The following DOCK2 variants were observed in gnomAD, a reference collection of about 807,000 sequenced individuals.
The protein encoded by DOCK2 is dedicator of cytokinesis protein 2.
DOCK2 carries 87 observed loss-of-function variants against 248.9 expected under a neutral mutation model. That is an observed-to-expected ratio of 0.35 (90% CI 0.29 to 0.42). The LOEUF (loss-of-function observed/expected upper bound fraction) is 0.42. DOCK2 is among the 10% of genes least tolerant of loss of function. The pLI, the probability that DOCK2 is intolerant of heterozygous loss-of-function variation, is 1.00. For synonymous variants in DOCK2, 805 were observed against 821.6 expected, an observed-to-expected ratio of 0.98 and a Z score of 0.35; for missense variants, 1,747 against 2,300.2, an observed-to-expected ratio of 0.76 and a Z score of 4.92.
At chr5:170,022,715 C>A (rs767972176) in intron 33 of DOCK2, among the ~76,000 whole-genome samples, 9 of 151,918 alleles carry the variant, frequency 5.9e-5, no homozygotes, top group Non-Finnish European at 1.2e-4. Flanking sequence ...TTGTCCCACA[C>A]AGCACAATTA....
In DOCK2 at chr5:170,019,673, G is replaced by C. The variant is rs190204517; in HGVS notation, c.3381+565G>C. ...ACACGAGAGCCATTGGCCAAATATT[G>C]TCATTGAATATTTCGTCAAACTTGG... On this transcript the variant is annotated intron_variant, in intron 33 of 51. Coordinates refer to ENST00000520908, the MANE Select transcript of DOCK2 (RefSeq NM_004946.3). Among the ~76,000 whole-genome samples, 694 of 152,240 alleles carry C rather than the reference G, an allele frequency of 4.6e-3. 1 individual carries two copies. Among genetic ancestry groups the C allele is most frequent in the Non-Finnish European group, 6.6e-3 (450 of 68,016 alleles).
At chr5:169,762,932 G>GT (rs1764572174) in intron 25 of DOCK2, among the ~76,000 whole-genome samples, 1 of 152,184 alleles carries the variant, frequency 6.6e-6, no homozygotes, top group African/African-American at 2.4e-5. Context: ...CTGTAAAGAT[G>GT]TTTTTTTCCA....
Position 170,077,609 on chromosome 5 carries a change from C to G in DOCK2, c.4867-101C>G, listed in dbSNP as rs1757879368. 19 of 1,540,688 alleles carry G rather than the reference C, an allele frequency of 1.2e-5. No homozygotes were observed. In the South Asian group the frequency reaches 2.4e-4, roughly 19 times the overall value. ...TTTTGTGCTGATGCTCCACTCAGCC[C>G]CACAACTCTGCCCTGCCTAGGTGGA... On this transcript the variant is annotated intron_variant, in intron 47 of 51. Transcript: ENST00000520908.
intron 44 of DOCK2, among the ~76,000 whole-genome samples, chr5:170,066,164 A>T (rs947891680): frequency 3.3e-5 from 5 of 152,026 alleles, no homozygotes; most frequent in Non-Finnish European, 7.4e-5. Flanking sequence ...GTTAGTCAGG[A>T]TGGTCTCGAT....
chr5:169,857,733 T>TAA (rs745578660), intron 27 of DOCK2, among the ~76,000 whole-genome samples: 3 of 108,380 alleles, frequency 2.8e-5, no homozygotes, highest in Non-Finnish European at 6.0e-5. Flanking sequence ...GGAACAAAAC[T>TAA]AAAAAAAAAA....
intron 6 of DOCK2, 56 bp from the exon 7 acceptor site, chr5:169,681,687 AC>A: frequency 6.3e-7 from 1 of 1,589,390 alleles, no homozygotes; most frequent in Non-Finnish European, 8.6e-7. Flanking sequence ...AAAGCTTCTC[AC>A]CAGTGACCTA....
chr5:169,911,566 A>G (rs1774601489), intron 27 of DOCK2, among the ~76,000 whole-genome samples: 1 of 152,224 alleles, frequency 6.6e-6, no homozygotes, highest in Admixed American at 6.5e-5. Flanking sequence ...AGGAGTAATT[A>G]TACTTTATGA....
intron 15 of DOCK2, among the ~76,000 whole-genome samples, chr5:169,711,080 CAT>C: frequency 1.3e-5 from 2 of 152,358 alleles, no homozygotes; most frequent in East Asian, 3.9e-4. Flanking sequence ...CTGCCTGAAA[CAT>C]AGACAGGATG....
chr5:169,890,831 A>G (rs1773238305), intron 27 of DOCK2, among the ~76,000 whole-genome samples: 1 of 152,146 alleles, frequency 6.6e-6, no homozygotes, highest in South Asian at 2.1e-4. Flanking sequence ...CCAGGTCTCC[A>G]TCATCTCTCA....
chr5:170,080,425 C>T (rs1323322086), intron 50 of DOCK2, 142 bp downstream of exon 50: 11 of 1,299,174 alleles, frequency 8.5e-6, no homozygotes, highest in Non-Finnish European at 1.1e-5. Flanking sequence ...TCATAGCCAC[C>T]CACCCTCTAA....
intron 23 of DOCK2, among the ~76,000 whole-genome samples, chr5:169,755,161 G>A (rs959919478): frequency 6.6e-6 from 1 of 151,756 alleles, no homozygotes; most frequent in Non-Finnish European, 1.5e-5. Flanking sequence ...GCTTAGGCTG[G>A]TCTTGAAACC....
chr5:169,839,508 C>T lies in DOCK2; in HGVS notation c.2704-1249C>T, dbSNP rs527927673. Reference sequence around the variant, plus strand: ...TTCCACTTGGCCATGGCCACCCTCGCGTATGCATGGTGTGCAACTCTGTGC... The same window carrying T: ...TTCCACTTGGCCATGGCCACCCTCGTGTATGCATGGTGTGCAACTCTGTGC... On this transcript the variant is annotated intron_variant, in intron 26 of 51. Coordinates refer to ENST00000520908, the MANE Select transcript of DOCK2 (RefSeq NM_004946.3). Among the ~76,000 whole-genome samples, 8 of 150,698 alleles carry T rather than the reference C, an allele frequency of 5.3e-5. No homozygotes were observed. In the South Asian group the frequency reaches 1.0e-3, roughly 20 times the overall value.
chr5:169,641,846 T>G (rs1382942334), intron 1 of DOCK2, among the ~76,000 whole-genome samples: 2 of 152,244 alleles, frequency 1.3e-5, no homozygotes, highest in Non-Finnish European at 2.9e-5. Flanking sequence ...AAGCATCCAC[T>G]GAATCTTCTC....
At chr5:170,080,982 G>A (rs6885366) in intron 50 of DOCK2, 105,805 of 152,466 alleles carry the variant, frequency 0.69, 37,146 homozygotes, top group African/African-American at 0.8. Flanking sequence ...TGGTGAAGAC[G>A]CTTGCTGTTT....
At chr5:169,646,669 C>T (rs184933327) in intron 1 of DOCK2, among the ~76,000 whole-genome samples, 136 of 152,186 alleles carry the variant, frequency 8.9e-4, no homozygotes, top group Middle Eastern at 3.4e-3. Context: ...ATCCTGTGAC[C>T]GCTAGAAACA....
chr5:169,885,217 T>C (rs1247655784), intron 27 of DOCK2, among the ~76,000 whole-genome samples: 2 of 152,194 alleles, frequency 1.3e-5, no homozygotes, highest in Admixed American at 6.5e-5. Context: ...TAAGCATTTG[T>C]GTATGTATTT....
chr5:169,749,536 C>T (rs902806643), intron 23 of DOCK2, among the ~76,000 whole-genome samples: 1 of 152,094 alleles, frequency 6.6e-6, no homozygotes, highest in Non-Finnish European at 1.5e-5. Flanking sequence ...ATGTATAACA[C>T]TAGGGATACG....
intron 27 of DOCK2, among the ~76,000 whole-genome samples, chr5:169,962,343 A>G (rs11745843): frequency 0.74 from 112,809 of 152,036 alleles, 43,016 homozygotes; most frequent in African/African-American, 0.93. Context: ...AGAGTTGGAT[A>G]TGGCCAGTCA....
intron 9 of DOCK2, among the ~76,000 whole-genome samples, chr5:169,694,396 T>A (rs757371708): frequency 6.6e-6 from 1 of 152,222 alleles, no homozygotes; most frequent in Admixed American, 6.5e-5. Context: ...GATTCGAGCA[T>A]GAAGTCAGGA....
Sources: gnomAD v4.1 joint callset for allele counts (sites outside exome capture counted in the v4.1 genomes callset) on GRCh38, gnomAD v4.1.1 for gene constraint, MANE v1.5 for transcripts, NCBI Gene and HGNC (gene_info 2026-07-23, HGNC 2026-07-21) for gene names.